The following MALRD1 variants were observed in gnomAD, a reference collection of about 807,000 sequenced individuals.
MALRD1 encodes MAM and LDL receptor class A domain containing 1, also known as MAM and LDL-receptor class A domain-containing protein 1.
A neutral mutation model predicts 242.1 loss-of-function variants in MALRD1; 247 were observed. The ratio of observed to expected loss-of-function variants is 1.02; its 90% CI spans 0.92 to 1.13. The LOEUF is 1.13. Among genes scored for constraint, MALRD1 ranks in the 50% most tolerant of loss-of-function variants. The pLI is 0.00. For synonymous variants in MALRD1, 995 were observed against 866.6 expected (o/e 1.15, Z -2.60); for missense variants, 2,989 against 2,533.1 (o/e 1.18, Z -3.86).
chr10:19,365,388 G>C (rs937110926), intron 26 of MALRD1, among the ~76,000 whole-genome samples: 2 of 151,962 alleles, frequency 1.3e-5, no homozygotes, highest in Admixed American at 1.3e-4. Context: ...TGCAGGTTTA[G>C]GTTGGAAGTT....
At chr10:19,516,251 C>A (rs117654148) in intron 31 of MALRD1, among the ~76,000 whole-genome samples, 1 of 152,230 alleles carries the variant, frequency 6.6e-6, no homozygotes, top group East Asian at 1.9e-4. Flanking sequence ...TAGTTTCTAT[C>A]TTAGAGTTTA....
At chr10:19,359,571 A>G (rs1188947669) in intron 26 of MALRD1, among the ~76,000 whole-genome samples, 2 of 151,944 alleles carry the variant, frequency 1.3e-5, no homozygotes, top group African/African-American at 4.8e-5. Context: ...AAATTTCACT[A>G]TTGTCTTTCC....
At chr10:19,475,479 A>G (rs1418104393) in intron 29 of MALRD1, among the ~76,000 whole-genome samples, 2 of 152,252 alleles carry the variant, frequency 1.3e-5, no homozygotes, top group Non-Finnish European at 2.9e-5. Flanking sequence ...CAATTACAAA[A>G]TAAAGAATAT....
At chr10:19,346,722 C>A (rs1012009175) in intron 24 of MALRD1, among the ~76,000 whole-genome samples, 5 of 152,132 alleles carry the variant, frequency 3.3e-5, no homozygotes, top group African/African-American at 1.2e-4. Flanking sequence ...CACAGTCTCG[C>A]TCACTGCACC....
intron 28 of MALRD1, among the ~76,000 whole-genome samples, chr10:19,419,139 A>G (rs1029187645): frequency 6.6e-6 from 1 of 152,106 alleles, no homozygotes; most frequent in Non-Finnish European, 1.5e-5. Context: ...CACGTGATCT[A>G]TATACCCTTG....
At chr10:19,375,663 A>G (rs995608557) in intron 26 of MALRD1, among the ~76,000 whole-genome samples, 1 of 152,200 alleles carries the variant, frequency 6.6e-6, no homozygotes, top group African/African-American at 2.4e-5. Flanking sequence ...ATAAGATGTG[A>G]GAGTAATTGG....
At chr10:19,609,447 A>G (rs1838783752) in intron 35 of MALRD1, among the ~76,000 whole-genome samples, 1 of 152,074 alleles carries the variant, frequency 6.6e-6, no homozygotes, top group African/African-American at 2.4e-5. Flanking sequence ...AAGATTTGTC[A>G]ATGTACATTA....
intron 36 of MALRD1, among the ~76,000 whole-genome samples, chr10:19,626,812 T>C (rs1237801515): frequency 6.6e-6 from 1 of 152,128 alleles, no homozygotes; most frequent in African/African-American, 2.4e-5. Flanking sequence ...ATTAATTACA[T>C]TGGCTAATTA....
At chr10:19,663,287 T>C (rs1437048886) in intron 36 of MALRD1, among the ~76,000 whole-genome samples, 2 of 152,308 alleles carry the variant, frequency 1.3e-5, no homozygotes, top group South Asian at 2.1e-4. Context: ...TTTGACTTTC[T>C]TTTTCTCAGT....
At chr10:19,402,918 T>C (rs915059000) in intron 28 of MALRD1, among the ~76,000 whole-genome samples, 2 of 152,176 alleles carry the variant, frequency 1.3e-5, no homozygotes, top group Non-Finnish European at 2.9e-5. Context: ...TGTCACTTAC[T>C]ACCACTACCT....
At chr10:19,231,092 T>C (rs1443547543) in intron 18 of MALRD1, among the ~76,000 whole-genome samples, 2 of 152,164 alleles carry the variant, frequency 1.3e-5, no homozygotes, top group Admixed American at 1.3e-4. Flanking sequence ...TCAGGAGATC[T>C]AATTAATAAC....
intron 29 of MALRD1, among the ~76,000 whole-genome samples, chr10:19,471,430 C>G (rs779815373): frequency 1.3e-5 from 2 of 151,548 alleles, no homozygotes; most frequent in Non-Finnish European, 3.0e-5. Context: ...TTTTGTAATT[C>G]GATATGAATT....
At chr10:19,647,642 G>A (rs1840711680) in intron 36 of MALRD1, among the ~76,000 whole-genome samples, 4 of 152,130 alleles carry the variant, frequency 2.6e-5, no homozygotes, top group African/African-American at 9.7e-5. Context: ...AGTAAGTTGT[G>A]CAACTGATAG....
intron 11 of MALRD1, among the ~76,000 whole-genome samples, chr10:19,149,006 G>A (rs1833832720): frequency 6.6e-6 from 1 of 151,818 alleles, no homozygotes; most frequent in South Asian, 2.1e-4. Flanking sequence ...CTAAGAAAGT[G>A]GAGTTCTAGT....
In MALRD1 at chr10:19,206,562, G is replaced by C. The variant is rs541979562; in HGVS notation, c.2578+1297G>C. Among the ~76,000 whole-genome samples, 5 of 152,292 alleles carry C rather than the reference G, an allele frequency of 3.3e-5. No homozygotes were observed. The East Asian group carries it at 5.8e-4, about 18-fold the overall frequency. ...TCCCTGTGTTCACTTAGTAGGATGTGATAATGCGAGTACAACTATAGTATC... is the reference window on the plus strand; with the variant it reads ...TCCCTGTGTTCACTTAGTAGGATGTCATAATGCGAGTACAACTATAGTATC... On this transcript the variant is annotated intron_variant, in intron 17 of 39. Coordinates refer to ENST00000454679, the MANE Select transcript of MALRD1 (RefSeq NM_001142308.3).
intron 19 of MALRD1, among the ~76,000 whole-genome samples, chr10:19,279,183 C>T (rs1313880954): frequency 6.6e-6 from 1 of 152,140 alleles, no homozygotes; most frequent in East Asian, 1.9e-4. Context: ...GGTCCAGTCA[C>T]AAGGGTCCTT....
At position 19,123,339 on chromosome 10, in the gene MALRD1, GAA is replaced by G. The variant is rs1491248204; in HGVS notation, c.695-151_695-150del. 4.9e-3 allele frequency among the ~76,000 whole-genome samples: 738 copies of G among 151,988 alleles called. 6 individuals are homozygous for G. The highest frequency in any genetic ancestry group is 0.017 in the African/African-American group (705 of 41,446). ...TGTGTGTGTGTGAGAGAGAGAGAGA[GAA>G]AGAGATAGGGTTACCTAAAGGGTGA... On this transcript the variant is annotated intron_variant, in intron 5 of 39. Transcript: ENST00000454679.
At chr10:19,287,028 A>G (rs1185336063) in intron 21 of MALRD1, among the ~76,000 whole-genome samples, 1 of 152,144 alleles carries the variant, frequency 6.6e-6, no homozygotes, top group African/African-American at 2.4e-5. Context: ...ACGCAAATCA[A>G]TAAATGTAAT....
chr10:19,416,769 AG>A (rs1448857158), intron 28 of MALRD1, among the ~76,000 whole-genome samples: 2 of 152,158 alleles, frequency 1.3e-5, no homozygotes, highest in Non-Finnish European at 1.5e-5. Flanking sequence ...CATCTTAAAA[AG>A]GTTTTCATCT....
Sources: gnomAD v4.1 joint callset for allele counts (sites outside exome capture counted in the v4.1 genomes callset) on GRCh38, gnomAD v4.1.1 for gene constraint, MANE v1.5 for transcripts, NCBI Gene and HGNC (gene_info 2026-07-23, HGNC 2026-07-21) for gene names.